The following P3H2 variants were observed in gnomAD, a reference collection of about 807,000 sequenced individuals.
The protein encoded by P3H2 is prolyl 3-hydroxylase 2, also known as leprecan-like 1.
Under a neutral mutation model 87.0 loss-of-function variants are expected in P3H2, and 80 were observed. The ratio of observed to expected loss-of-function variants is 0.92; its 90% CI spans 0.77 to 1.11. P3H2 has a LOEUF of 1.11. Among genes scored for constraint, P3H2 ranks in the 50% least tolerant of loss-of-function variants. P3H2 has a pLI of 0.00. For missense variants in P3H2, 1,001 were observed against 923.9 expected, an observed-to-expected ratio of 1.08 and a Z score of -1.08; for synonymous variants, 367 against 359.3, an observed-to-expected ratio of 1.02 and a Z score of -0.24.
intron 1 of P3H2, among the ~76,000 whole-genome samples, chr3:190,117,379 T>C (rs140595724): frequency 6.3e-4 from 96 of 152,294 alleles, no homozygotes; most frequent in African/African-American, 2.0e-3. Context: ...AGAGCTTCTA[T>C]AGTTGGAAAA....
At chr3:190,092,936 C>G (rs1429674271) in intron 1 of P3H2, among the ~76,000 whole-genome samples, 1 of 152,084 alleles carries the variant, frequency 6.6e-6, no homozygotes, top group African/African-American at 2.4e-5. Context: ...TAATCCCCCC[C>G]AAAAATGATA....
At chr3:190,026,593 CTTG>C (rs1254001886) in intron 1 of P3H2, among the ~76,000 whole-genome samples, 7 of 152,198 alleles carry the variant, frequency 4.6e-5, no homozygotes, top group African/African-American at 1.2e-4. Context: ...TAATCCACCC[CTTG>C]TTTAGCATAT....
At chr3:189,987,904 C>A in intron 4 of P3H2, 1 of 537,748 alleles carries the variant, frequency 1.9e-6, no homozygotes, top group Non-Finnish European at 3.3e-6. Flanking sequence ...TTGTGCAAAT[C>A]GTCAAGTTTC....
intron 1 of P3H2, among the ~76,000 whole-genome samples, chr3:190,009,161 T>A (rs1348525729): frequency 2.0e-5 from 3 of 152,014 alleles, no homozygotes; most frequent in Non-Finnish European, 2.9e-5. Flanking sequence ...AGTACAAGTG[T>A]TGGGAGTGGG....
At chr3:189,962,017 T>C (rs902890132) in intron 14 of P3H2, among the ~76,000 whole-genome samples, 1 of 152,118 alleles carries the variant, frequency 6.6e-6, no homozygotes, top group African/African-American at 2.4e-5. Context: ...AATGCTTTGA[T>C]GGAATGCTAA....
At chr3:189,987,202 C>T (rs867911227) in intron 5 of P3H2, among the ~76,000 whole-genome samples, 11 of 152,168 alleles carry the variant, frequency 7.2e-5, no homozygotes, top group Admixed American at 2.6e-4. Context: ...AGGCCAGGCG[C>T]GGTGGCTCAC....
At chr3:190,028,507 T>G (rs1368611994) in intron 1 of P3H2, among the ~76,000 whole-genome samples, 1 of 152,140 alleles carries the variant, frequency 6.6e-6, no homozygotes, top group South Asian at 2.1e-4. Flanking sequence ...GTCAAATATT[T>G]CCATATCTGA....
chr3:190,091,200 T>A (rs1727397924), intron 1 of P3H2, among the ~76,000 whole-genome samples: 1 of 152,226 alleles, frequency 6.6e-6, no homozygotes, highest in African/African-American at 2.4e-5. Flanking sequence ...TGATTTGGAT[T>A]TGTGGAGACC....
Position 190,067,992 on chromosome 3 carries a change from A to G in P3H2, c.480+52260T>C, listed in dbSNP as rs148851912. The stretch of plus-strand genomic sequence containing the variant: ...TTCATCCACAAATAGCATGAGTTAG[A>G]TTTTTCATATGATAACAATAAAATA... On this transcript the variant is annotated intron_variant, in intron 1 of 14. Transcript: ENST00000319332. Among the ~76,000 whole-genome samples the G allele has an allele frequency of 1.6e-3, 240 of 152,222 alleles. 1 individual carries two copies. Among genetic ancestry groups the G allele is most frequent in the Middle Eastern group, 6.8e-3 (2 of 292 alleles).
chr3:190,033,958 C>A, intron 1 of P3H2, among the ~76,000 whole-genome samples: 1 of 152,120 alleles, frequency 6.6e-6, no homozygotes, highest in East Asian at 1.9e-4. Flanking sequence ...TTCTTGGCAA[C>A]CAGGGAAGCT....
At chr3:189,988,457 T>C (rs778984349) in intron 4 of P3H2, among the ~76,000 whole-genome samples, 1 of 152,128 alleles carries the variant, frequency 6.6e-6, no homozygotes, top group Non-Finnish European at 1.5e-5. Context: ...CATATATATA[T>C]ACTCTGAGAT....
intron 1 of P3H2, among the ~76,000 whole-genome samples, chr3:190,118,735 G>A (rs896772458): frequency 3.3e-5 from 5 of 152,078 alleles, no homozygotes; most frequent in Non-Finnish European, 7.3e-5. Context: ...TGAGGGCAGA[G>A]ATCTTGTGGG....
At chr3:190,044,240 C>A (rs984887342) in intron 1 of P3H2, among the ~76,000 whole-genome samples, 1 of 152,168 alleles carries the variant, frequency 6.6e-6, no homozygotes, top group Non-Finnish European at 1.5e-5. Context: ...CAGGAGCACA[C>A]GTTGTTTCCC....
chr3:189,990,810 T>C (rs946888709), intron 3 of P3H2, among the ~76,000 whole-genome samples: 1 of 152,218 alleles, frequency 6.6e-6, no homozygotes, highest in African/African-American at 2.4e-5. Context: ...CATTGTGCAA[T>C]TAATATGTTT....
chr3:190,015,810 AT>A (rs1724735322), intron 1 of P3H2, among the ~76,000 whole-genome samples: 3 of 152,192 alleles, frequency 2.0e-5, no homozygotes, highest in Admixed American at 2.0e-4. Flanking sequence ...CAAGATCATA[AT>A]TGCTACACCC....
rs1723749379 is a variant in P3H2 at position 189,987,661 on chromosome 3, A to G, written c.964T>C (p.Tyr322His). The change falls in exon 5 of 15, where the codon TAT (tyrosine) becomes CAT (histidine). Residue 322 changes from tyrosine to histidine, a missense_variant. Tyr to His is a moderately conservative substitution (Grantham distance 83). Coordinates refer to ENST00000319332, the MANE Select transcript of P3H2 (RefSeq NM_018192.4). ...LQFAYYRVGE[Y>H]VKALECAKAY... ...TTGGCACACTCCAGGGCTTTCACAT[A>G]CTCACCAACTGAAAGACAAAGGAGT... is the stretch of plus-strand genomic sequence containing the variant. The G allele has an allele frequency of 6.2e-7, 1 of 1,613,828 alleles. No homozygotes were observed. Among genetic ancestry groups the G allele is most frequent in the African/African-American group, 1.3e-5 (1 of 74,842 alleles).
At chr3:190,009,712 C>A (rs759137678) in intron 1 of P3H2, among the ~76,000 whole-genome samples, 1 of 152,182 alleles carries the variant, frequency 6.6e-6, no homozygotes, top group Non-Finnish European at 1.5e-5. Context: ...GCCATCTCTA[C>A]TCTTTCTACC....
chr3:190,035,121 T>C (rs1725379096), intron 1 of P3H2, among the ~76,000 whole-genome samples: 1 of 152,074 alleles, frequency 6.6e-6, no homozygotes, highest in South Asian at 2.1e-4. Flanking sequence ...AGTGCTGAGA[T>C]TACAGGTGTA....
At chr3:189,997,910 T>C (rs1724098830) in intron 1 of P3H2, among the ~76,000 whole-genome samples, 1 of 152,212 alleles carries the variant, frequency 6.6e-6, no homozygotes, top group Non-Finnish European at 1.5e-5. Flanking sequence ...GTGGTTTGCA[T>C]TTATTGGCCA....
Sources: gnomAD v4.1 joint callset for allele counts (sites outside exome capture counted in the v4.1 genomes callset) on GRCh38, gnomAD v4.1.1 for gene constraint, MANE v1.5 for transcripts, NCBI Gene and HGNC (gene_info 2026-07-23, HGNC 2026-07-21) for gene names.